CNRIP1: variants seen among roughly 807,000 people sequenced by gnomAD.
The protein encoded by CNRIP1 is cannabinoid receptor interacting protein 1, also known as CB1 cannabinoid receptor-interacting protein 1.
CNRIP1 carries 10 observed loss-of-function variants against 15.2 expected under a neutral mutation model. That is an observed-to-expected ratio of 0.66 (90% CI 0.41 to 1.12). The LOEUF (loss-of-function observed/expected upper bound fraction) is 1.12. Among genes scored for constraint, CNRIP1 ranks in the 50% most tolerant of loss-of-function variants. The pLI is 0.00. For missense variants in CNRIP1, 211 were observed against 214.7 expected (o/e 0.98, Z 0.11); for synonymous variants, 91 against 83.2 (o/e 1.09, Z -0.51).
intron 2 of CNRIP1, among the ~76,000 whole-genome samples, chr2:68,295,669 C>G (rs903430792): frequency 1.3e-5 from 2 of 152,108 alleles, no homozygotes; most frequent in African/African-American, 4.8e-5. Context: ...ATGAATCCAT[C>G]TATATAGTGA....
At chr2:68,288,951 A>G (rs776606285), downstream of CNRIP1, among the ~76,000 whole-genome samples, 23 of 152,234 alleles carry the variant, frequency 1.5e-4, no homozygotes, top group Non-Finnish European at 4.4e-5. Context: ...AGTGAATGTT[A>G]TTATCACCAT....
chr2:68,314,047 A>G (rs991617784), intron 2 of CNRIP1, among the ~76,000 whole-genome samples: 1 of 152,084 alleles, frequency 6.6e-6, no homozygotes, highest in African/African-American at 2.4e-5. Context: ...TTTCCTCAAG[A>G]AAACCATCCC....
intron 2 of CNRIP1, among the ~76,000 whole-genome samples, chr2:68,314,522 A>C (rs924459107): frequency 6.6e-6 from 1 of 152,056 alleles, no homozygotes; most frequent in African/African-American, 2.4e-5. Context: ...AACATTAGAC[A>C]ATGCAATATG....
chr2:68,303,082 C>T (rs556027752), intron 2 of CNRIP1, among the ~76,000 whole-genome samples: 349 of 145,338 alleles, frequency 2.4e-3, no homozygotes, highest in Non-Finnish European at 3.7e-3. Flanking sequence ...CTCCTGACTT[C>T]GTGATCCACC....
At chr2:68,298,143 G>A (rs1179571339) in intron 2 of CNRIP1, among the ~76,000 whole-genome samples, 3 of 152,194 alleles carry the variant, frequency 2.0e-5, no homozygotes, top group Non-Finnish European at 4.4e-5. Flanking sequence ...GTGGTGGTAT[G>A]TATAAATCAA....
intron 2 of CNRIP1, among the ~76,000 whole-genome samples, chr2:68,294,881 C>T (rs1301911200): frequency 1.3e-5 from 2 of 152,192 alleles, no homozygotes; most frequent in African/African-American, 4.8e-5. Flanking sequence ...TAGCATTCTA[C>T]TTCCAGAAGG....
At position 68,293,306 on chromosome 2, in the gene CNRIP1, T is replaced by TC. The variant is rs1482216364; in HGVS notation, c.*555dup. 5 of 985,974 alleles carry TC rather than the reference T, an allele frequency of 5.1e-6. No individual in the cohort carries two copies. Among genetic ancestry groups the TC allele is most frequent in the Non-Finnish European group, 6.0e-6 (5 of 830,298 alleles). The allele number at this position is 985,974 out of a possible 1,614,324, so 61.1% of individuals were successfully genotyped here. On this transcript the variant is annotated 3_prime_UTR_variant, in exon 3 of 3. Transcript: ENST00000263655. ...TGTCCTTCTAGTTTGTTACCATCCTTCCCTGAAAGAGCGGAGCTGTTTATA... is the reference window on the plus strand; with the variant it reads ...TGTCCTTCTAGTTTGTTACCATCCTTCCCCTGAAAGAGCGGAGCTGTTTATA...
chr2:68,317,643 A>T (rs921424225), intron 1 of CNRIP1, among the ~76,000 whole-genome samples: 1 of 152,186 alleles, frequency 6.6e-6, no homozygotes, highest in African/African-American at 2.4e-5. Flanking sequence ...CTGTTCCAAC[A>T]ATCAGGGGTC....
At chr2:68,300,707 T>C (rs1327195163) in intron 2 of CNRIP1, among the ~76,000 whole-genome samples, 2 of 152,002 alleles carry the variant, frequency 1.3e-5, no homozygotes, top group African/African-American at 4.8e-5. Context: ...GAAACTAAAA[T>C]CTAGTTTTTT....
intron 2 of CNRIP1, among the ~76,000 whole-genome samples, chr2:68,294,739 C>T (rs1252780946): frequency 6.6e-6 from 1 of 152,164 alleles, no homozygotes; most frequent in African/African-American, 2.4e-5. Context: ...ACATTGAATA[C>T]TTATAAGTCA....
In CNRIP1 at chr2:68,293,988, G is replaced by A. The variant is rs139757817; in HGVS notation, c.369C>T (p.Val123=). 17 of 1,613,942 alleles carry A rather than the reference G, an allele frequency of 1.1e-5. No individual in the cohort carries two copies. The highest frequency in any genetic ancestry group is 1.4e-5 in the Non-Finnish European group (17 of 1,179,986). Reference sequence around the variant, plus strand: ...CCCGCTTGTGGTAATTGTAGAACTTGACTTGCCACACTGTCTCGAAGGTCC... The same window carrying A: ...CCCGCTTGTGGTAATTGTAGAACTTAACTTGCCACACTGTCTCGAAGGTCC... The part of the protein sequence containing the change: ...DIGTFETVWQ[V]KFYNYHKRDH... The change falls in exon 3 of 3, where the codon GTC becomes GTT. Residue 123 remains valine, a synonymous_variant. Coordinates refer to ENST00000263655, the MANE Select transcript of CNRIP1 (RefSeq NM_015463.3).
In CNRIP1 at chr2:68,293,417, T is replaced by A. The variant is rs1671229800; in HGVS notation, c.*445A>T. ...TTTGAAAGCTGGCAAACACTGCAAGTTACATGTTACCATATTACACATGGG... is the reference window on the plus strand; with the variant it reads ...TTTGAAAGCTGGCAAACACTGCAAGATACATGTTACCATATTACACATGGG... On this transcript the variant is annotated 3_prime_UTR_variant, in exon 3 of 3. Coordinates refer to ENST00000263655, the MANE Select transcript of CNRIP1 (RefSeq NM_015463.3). The A allele has an allele frequency of 4.1e-6, 4 of 986,502 alleles. No homozygotes were observed. The highest frequency in any genetic ancestry group is 1.7e-5 in the African/African-American group (1 of 57,286). The allele number at this position is 986,502 out of a possible 1,614,324, so 61.1% of individuals were successfully genotyped here. A position where few individuals can be genotyped will look rare whatever the true frequency, so the allele number is the denominator to read the frequency against.
chr2:68,318,630 T>C (rs1358567980), intron 1 of CNRIP1, among the ~76,000 whole-genome samples: 1 of 152,154 alleles, frequency 6.6e-6, no homozygotes, highest in East Asian at 1.9e-4. Context: ...ACCGTGAAAC[T>C]AGGCCAGAGA....
In CNRIP1 at chr2:68,303,491, G is replaced by C. The variant is rs1424062774; in HGVS notation, c.331-9465C>G. Among the ~76,000 whole-genome samples, 4 of 152,160 alleles carry C rather than the reference G, an allele frequency of 2.6e-5. No homozygotes were observed. In the South Asian group the frequency reaches 8.3e-4, roughly 32 times the overall value. Reference sequence around the variant, plus strand: ...TGTAATTTCCTGTTCACCTCCTCATGCTACTACTGCTCCCTCTGGGCCTCT... The same window carrying C: ...TGTAATTTCCTGTTCACCTCCTCATCCTACTACTGCTCCCTCTGGGCCTCT... On this transcript the variant is annotated intron_variant, in intron 2 of 2. Coordinates refer to ENST00000263655, the MANE Select transcript of CNRIP1 (RefSeq NM_015463.3).
At chr2:68,306,434 G>A (rs752721957) in intron 2 of CNRIP1, among the ~76,000 whole-genome samples, 1 of 152,058 alleles carries the variant, frequency 6.6e-6, no homozygotes, top group African/African-American at 2.4e-5. Context: ...AATGAAAAGT[G>A]TATTCCACTA....
rs1369899955 is a variant in CNRIP1 at position 68,311,961 on chromosome 2, A to G, written c.330+5196T>C. On this transcript the variant is annotated intron_variant, in intron 2 of 2. Coordinates refer to ENST00000263655, the MANE Select transcript of CNRIP1 (RefSeq NM_015463.3). ...ACAAAAACTCAGGAAATAAAACCTGAATAGCCCGATATCTATTAACGAAAT... is the reference window on the plus strand; with the variant it reads ...ACAAAAACTCAGGAAATAAAACCTGGATAGCCCGATATCTATTAACGAAAT... Among the ~76,000 whole-genome samples, 4 of 152,124 alleles carry G rather than the reference A, an allele frequency of 2.6e-5. No homozygotes were observed. In the East Asian group the frequency reaches 7.7e-4, roughly 29 times the overall value.
At chr2:68,297,226 T>C (rs559497712) in intron 2 of CNRIP1, among the ~76,000 whole-genome samples, 83 of 152,112 alleles carry the variant, frequency 5.5e-4, no homozygotes, top group African/African-American at 1.8e-3. Flanking sequence ...ACGAGGAACA[T>C]TGGAATAAAA....
intron 2 of CNRIP1, among the ~76,000 whole-genome samples, chr2:68,295,203 G>A (rs1343139973): frequency 6.6e-6 from 1 of 152,210 alleles, no homozygotes; most frequent in Non-Finnish European, 1.5e-5. Context: ...AGCATTAGGA[G>A]TCTTATGCTT....
intron 2 of CNRIP1, among the ~76,000 whole-genome samples, chr2:68,309,281 G>A (rs1558667560): frequency 6.6e-6 from 1 of 152,114 alleles, no homozygotes; most frequent in East Asian, 1.9e-4. Context: ...AGAAATGGAT[G>A]TTTTCCTCAG....
Sources: allele counts gnomAD v4.1 joint callset (sites outside exome capture counted in the v4.1 genomes callset), GRCh38; gene constraint gnomAD v4.1.1; transcripts MANE v1.5; gene names NCBI Gene and HGNC (gene_info 2026-07-23, HGNC 2026-07-21).